The following GRK1 variants were observed in gnomAD, a reference collection of about 807,000 sequenced individuals.
The protein encoded by GRK1 is rhodopsin kinase GRK1.
Under a neutral mutation model 41.7 loss-of-function variants are expected in GRK1, and 28 were observed. The ratio of observed to expected loss-of-function variants is 0.67; its 90% confidence interval spans 0.50 to 0.92. The LOEUF is 0.92. GRK1 is among the 40% of genes least tolerant of loss of function. The pLI is 0.00. For synonymous variants in GRK1, 327 were observed against 286.7 expected (o/e 1.14, Z -1.42); for missense variants, 703 against 671.2 (o/e 1.05, Z -0.52).
intron 2 of GRK1, among the ~76,000 whole-genome samples, chr13:113,670,183 T>C (rs1167822965): frequency 6.6e-6 from 1 of 152,078 alleles, no homozygotes; most frequent in African/African-American, 2.4e-5. Context: ...CAGCGCCCAC[T>C]CCTAGGGCTG....
chr13:113,651,979 C>T, the GRK1 span, among the ~76,000 whole-genome samples: 30 of 152,290 alleles, frequency 2.0e-4, no homozygotes, highest in African/African-American at 6.7e-4. Flanking sequence ...CTTCAGGAGG[C>T]GGCTGGCAGG....
At chr13:113,732,712 C>A (rs909008680) in intron 5 of GRK1, among the ~76,000 whole-genome samples, 172 bp from the exon 6 acceptor site, 5 of 152,198 alleles carry the variant, frequency 3.3e-5, no homozygotes, top group Admixed American at 1.3e-4. Flanking sequence ...CTTTAGGATT[C>A]CATTCCTGAG....
At chr13:113,659,622 G>C in the GRK1 span, among the ~76,000 whole-genome samples, 3 of 151,016 alleles carry the variant, frequency 2.0e-5, no homozygotes, top group Admixed American at 2.0e-4. Flanking sequence ...TTGTAGAGAT[G>C]GGGTCTCCCT....
the GRK1 span, among the ~76,000 whole-genome samples, chr13:113,655,187 T>C: frequency 5.9e-5 from 9 of 152,196 alleles, no homozygotes; most frequent in Non-Finnish European, 7.3e-5. Context: ...GGCAGAATCC[T>C]GCGACCCGAG....
chr13:113,663,351 G>T (rs1412129513), upstream of GRK1, among the ~76,000 whole-genome samples: 1 of 152,168 alleles, frequency 6.6e-6, no homozygotes, highest in Non-Finnish European at 1.5e-5. Context: ...AACCCAAAGT[G>T]GATATGAACG....
chr13:113,653,503 T>A, the GRK1 span: 1 of 1,422,012 alleles, frequency 7.0e-7, no homozygotes, highest in Non-Finnish European at 9.9e-7. Flanking sequence ...AGTTCTGAAG[T>A]GGCTGAGGAT....
At chr13:113,728,441 G>A (rs374383395) in intron 4 of GRK1, among the ~76,000 whole-genome samples, 5 of 138,806 alleles carry the variant, frequency 3.6e-5, no homozygotes, top group African/African-American at 8.1e-5. Flanking sequence ...GCGATGAGGA[G>A]TACCCATGGC....
At chr13:113,655,860 G>A in the GRK1 span, among the ~76,000 whole-genome samples, 1 of 152,250 alleles carries the variant, frequency 6.6e-6, no homozygotes, top group Non-Finnish European at 1.5e-5. Flanking sequence ...AGAAGCAAGG[G>A]AGTGCAGGGC....
At position 113,729,557 on chromosome 13, in the gene GRK1, C is replaced by T. The variant is rs181532443; in HGVS notation, c.1070-1662C>T. Among the ~76,000 whole-genome samples the T allele has an allele frequency of 3.6e-3, 544 of 152,344 alleles. 5 individuals carry two copies. The highest frequency in any genetic ancestry group is 0.013 in the African/African-American group (526 of 41,568). On this transcript the variant is annotated intron_variant, in intron 4 of 6. Coordinates refer to ENST00000335678, the MANE Select transcript of GRK1 (RefSeq NM_002929.3). ...ACTGATGATGGGTGAGGGGAGCCGG[C>T]AGCTGACACAAGGAAGCAGAATGCT...
chr13:113,666,467 G>C (rs1450922860), upstream of GRK1, among the ~76,000 whole-genome samples: 1 of 150,080 alleles, frequency 6.7e-6, no homozygotes, highest in Admixed American at 6.6e-5. Flanking sequence ...CCCCAGGTGT[G>C]TCCCAGCTGT....
At chr13:113,663,652 GA>G (rs2049801669), upstream of GRK1, among the ~76,000 whole-genome samples, 1 of 152,182 alleles carries the variant, frequency 6.6e-6, no homozygotes, top group Non-Finnish European at 1.5e-5. Context: ...CAAAAGATGT[GA>G]AGAGACATTT....
At chr13:113,670,708 AG>A (rs2049850773) in intron 2 of GRK1, among the ~76,000 whole-genome samples, 1 of 29,064 alleles carries the variant, frequency 3.4e-5, no homozygotes. Flanking sequence ...ACGCAGACAC[AG>A]GGGTGCCCAG....
At chr13:113,729,303 G>A (rs1453297013) in intron 4 of GRK1, among the ~76,000 whole-genome samples, 1 of 152,252 alleles carries the variant, frequency 6.6e-6, no homozygotes, top group Non-Finnish European at 1.5e-5. Context: ...CTGATCCGCT[G>A]GCGGAGCCAG....
At chr13:113,655,471 G>C in the GRK1 span, among the ~76,000 whole-genome samples, 6 of 152,172 alleles carry the variant, frequency 3.9e-5, no homozygotes, top group Non-Finnish European at 8.8e-5. Context: ...TCAGAAGCAA[G>C]GGTGTCCATA....
At chr13:113,733,857 GCATA>G (rs2049971194) in intron 6 of GRK1, among the ~76,000 whole-genome samples, 2 of 135,798 alleles carry the variant, frequency 1.5e-5, no homozygotes, top group Admixed American at 7.1e-5. Context: ...GTGTATGTGT[GCATA>G]CGTGTGTGCG....
intron 6 of GRK1, among the ~76,000 whole-genome samples, chr13:113,734,269 G>A (rs1032584360): frequency 1.3e-5 from 2 of 152,248 alleles, no homozygotes; most frequent in Non-Finnish European, 2.9e-5. Context: ...CTGCCAGACA[G>A]GTGCCCTGGG....
upstream of GRK1, among the ~76,000 whole-genome samples, chr13:113,665,696 C>T (rs1373118495): frequency 1.3e-5 from 2 of 148,382 alleles, no homozygotes; most frequent in East Asian, 2.0e-4. Context: ...CCTCAGCTGT[C>T]TCAGGTGTGC....
chr13:113,733,182 G>A (rs1156701635), intron 6 of GRK1, 97 bp downstream of exon 6: 16 of 1,235,032 alleles, frequency 1.3e-5, no homozygotes, highest in Non-Finnish European at 1.7e-5. Context: ...CGGCAGGGAG[G>A]AGTGCCTCAG....
rs1195588404 is a variant in GRK1 at position 113,737,568 on chromosome 13, C to A, written c.*2205C>A. ...GCATGTCTTCCCATAGAACCCACGT[C>A]GGCCACACCCTGGGTGAGGAGCACG... On this transcript the variant is annotated 3_prime_UTR_variant, in exon 7 of 7. Transcript: ENST00000335678. 6.4e-6 allele frequency: 1 copy of A among 156,838 alleles called. No individual in the cohort carries two copies. The highest frequency in any genetic ancestry group is 1.4e-5 in the Non-Finnish European group (1 of 70,528). 9.7% of individuals were successfully genotyped at this position (156,838 alleles called of 1,614,324 possible). A position where few individuals can be genotyped will look rare whatever the true frequency, so the allele number is the denominator to read the frequency against.
Sources: gnomAD v4.1 joint callset for allele counts (sites outside exome capture counted in the v4.1 genomes callset) on GRCh38, gnomAD v4.1.1 for gene constraint, MANE v1.5 for transcripts, NCBI Gene and HGNC (gene_info 2026-07-23, HGNC 2026-07-21) for gene names.